The following PSD3 variants were observed in gnomAD, a reference collection of about 807,000 sequenced individuals.
PSD3 encodes the protein PH and SEC7 domain-containing protein 3.
PSD3 carries 49 observed loss-of-function variants against 105.5 expected under a neutral mutation model. The observed-to-expected ratio is 0.46, with a 90% CI of 0.37 to 0.59. The LOEUF (loss-of-function observed/expected upper bound fraction) is 0.59. Ranked by LOEUF, PSD3 falls within the 20% of genes least tolerant of loss-of-function variation. The pLI, the probability that PSD3 is intolerant of heterozygous loss-of-function variation, is 0.00. For synonymous variants in PSD3, 557 were observed against 457.8 expected (o/e 1.22, Z -2.77); for missense variants, 1,561 against 1,263.8 (o/e 1.24, Z -3.57).
At chr8:18,836,922 G>C (rs1228615709) in intron 4 of PSD3, among the ~76,000 whole-genome samples, 2 of 149,504 alleles carry the variant, frequency 1.3e-5, no homozygotes, top group African/African-American at 2.5e-5. Context: ...ACTGTACTTT[G>C]CTTCTAAAAA....
intron 9 of PSD3, among the ~76,000 whole-genome samples, chr8:18,737,093 A>C (rs987135797): frequency 1.3e-5 from 2 of 152,180 alleles, no homozygotes; most frequent in African/African-American, 4.8e-5. Context: ...GCATCTGAAA[A>C]AATACTGTTC....
chr8:18,805,076 G>C (rs1157303534), intron 4 of PSD3, among the ~76,000 whole-genome samples, 178 bp from the exon 5 acceptor site: 1 of 152,116 alleles, frequency 6.6e-6, no homozygotes, highest in Non-Finnish European at 1.5e-5. Context: ...CTAAAGAACA[G>C]ATTGCCTAAA....
intron 8 of PSD3, among the ~76,000 whole-genome samples, chr8:18,779,287 GTTTTACTGTCTCCTTTTTTGGT>G (rs1192884942): frequency 6.6e-6 from 1 of 151,790 alleles, no homozygotes; most frequent in African/African-American, 2.4e-5. Context: ...TGGGATATAA[GTTTTACTGTCTCCTTTTTTGGT>G]TGGGATTTTA....
intron 4 of PSD3, among the ~76,000 whole-genome samples, chr8:18,850,198 C>T (rs71510627): frequency 0.068 from 10,306 of 152,312 alleles, 440 homozygotes; most frequent in South Asian, 0.15. Flanking sequence ...GCAAACATCT[C>T]CCACATAGCC....
intron 1 of PSD3, among the ~76,000 whole-genome samples, chr8:19,051,354 A>G (rs1298077446): frequency 6.6e-6 from 1 of 152,120 alleles, no homozygotes; most frequent in Admixed American, 6.5e-5. Flanking sequence ...ATACTCTCAT[A>G]TGACTCAGTG....
chr8:19,030,483 G>C (rs546725888), intron 1 of PSD3, among the ~76,000 whole-genome samples: 1 of 152,194 alleles, frequency 6.6e-6, no homozygotes, highest in African/African-American at 2.4e-5. Flanking sequence ...TTGTCTTTCT[G>C]ATAGTGAGTT....
intron 1 of PSD3, among the ~76,000 whole-genome samples, chr8:18,962,615 T>A (rs1307805304): frequency 6.6e-6 from 1 of 152,246 alleles, no homozygotes; most frequent in African/African-American, 2.4e-5. Context: ...CAATTCACTA[T>A]CAAGCTCTAA....
chr8:18,830,364 T>A (rs565608871), intron 4 of PSD3, among the ~76,000 whole-genome samples: 1 of 152,216 alleles, frequency 6.6e-6, no homozygotes, highest in Non-Finnish European at 1.5e-5. Context: ...TCAAGTTATA[T>A]TTGGTGTTCC....
At chr8:18,884,539 G>A (rs7843239) in intron 2 of PSD3, among the ~76,000 whole-genome samples, 26,085 of 151,954 alleles carry the variant, frequency 0.17, 2,202 homozygotes, top group South Asian at 0.26. Context: ...AGAAAACTAC[G>A]GTATGTAATC....
intron 10 of PSD3, among the ~76,000 whole-genome samples, chr8:18,635,758 A>T (rs1016998443): frequency 6.6e-6 from 1 of 152,142 alleles, no homozygotes; most frequent in Non-Finnish European, 1.5e-5. Flanking sequence ...GCTGGAAACC[A>T]TCATTCTCAG....
At chr8:18,563,435 T>C (rs886250828) in intron 14 of PSD3, among the ~76,000 whole-genome samples, 3 of 152,176 alleles carry the variant, frequency 2.0e-5, no homozygotes, top group Non-Finnish European at 4.4e-5. Context: ...AGGGTAATCA[T>C]GTATCTAGGG....
Position 19,072,696 on chromosome 8 carries a change from G to T in PSD3, c.324+11510C>A, listed in dbSNP as rs549917017. ...GACCTGAAAGCATGCAGCCTAGGGT[G>T]AGAGGCTGTTGAGCCAAAATTCGGG... On this transcript the variant is annotated intron_variant, in intron 1 of 1. Transcript: ENST00000521475. Among the ~76,000 whole-genome samples, 3 of 152,342 alleles carry T rather than the reference G, an allele frequency of 2.0e-5. No homozygotes were observed. In the East Asian group the frequency reaches 5.8e-4, roughly 29 times the overall value.
At chr8:18,625,187 T>TACACACACACACACAC (rs3042894) in intron 11 of PSD3, among the ~76,000 whole-genome samples, 94 of 149,368 alleles carry the variant, frequency 6.3e-4, no homozygotes, top group African/African-American at 2.2e-3. Flanking sequence ...AGGTGGGGAA[T>TACACACACACACACAC]ACACACACAC....
At chr8:18,728,376 C>T (rs138280596) in intron 9 of PSD3, among the ~76,000 whole-genome samples, 12 of 152,316 alleles carry the variant, frequency 7.9e-5, no homozygotes, top group African/African-American at 2.4e-4. Context: ...CCAGCTACCA[C>T]AGGTGCACAT....
At chr8:18,688,864 G>T (rs1054336765) in intron 9 of PSD3, among the ~76,000 whole-genome samples, 1 of 152,324 alleles carries the variant, frequency 6.6e-6, no homozygotes, top group South Asian at 2.1e-4. Context: ...ATAAAAGCAG[G>T]CTTCCTGGAG....
At chr8:18,774,380 T>C (rs552425533) in intron 8 of PSD3, among the ~76,000 whole-genome samples, 1 of 152,326 alleles carries the variant, frequency 6.6e-6, no homozygotes, top group African/African-American at 2.4e-5. Flanking sequence ...GTTGGGAACA[T>C]TTCAATTGCT....
chr8:18,611,251 G>GAAAA lies in PSD3; in HGVS notation c.2411-10821_2411-10818dup, dbSNP rs138669050. Among the ~76,000 whole-genome samples, 3 of 128,942 alleles carry GAAAA rather than the reference G, an allele frequency of 2.3e-5. No individual in the cohort carries two copies. In the East Asian group the frequency reaches 6.7e-4, roughly 29 times the overall value. The allele number at this position is 128,942 out of a possible 152,430, so 84.6% of individuals were successfully genotyped here. ...GGGTGTAATTTAATGTAGGATTTTG[G>GAAAA]AAAAAAAAAAAAAAAAAGGTTTTTC... On this transcript the variant is annotated intron_variant, in intron 11 of 15. Coordinates refer to ENST00000327040, the MANE Select transcript of PSD3 (RefSeq NM_015310.4).
rs1377167347 is a variant in PSD3, at chr8:18,868,041, C to T, written c.1267G>A (p.Gly423Arg). 2.5e-6 allele frequency: 4 copies of T among 1,610,584 alleles called. No individual in the cohort carries two copies. Among genetic ancestry groups the T allele is most frequent in the Admixed American group, 1.7e-5 (1 of 59,608 alleles). ...GGCCCAAGGATGTCTTCATCTTCCCCCTTAACGTGCTCCTCTTGTTCGCTG... is the reference window on the plus strand; with the variant it reads ...GGCCCAAGGATGTCTTCATCTTCCCTCTTAACGTGCTCCTCTTGTTCGCTG... ...RISEQEEHVK[G>R]EDEDILGPGY... is the part of the protein sequence containing the mutation. Residue 423 changes from glycine (G) to arginine (R), a missense_variant, in exon 4 of 16, where the codon GGG becomes AGG. By Grantham distance (125) the Gly-to-Arg change is moderately radical. Coordinates refer to ENST00000327040, the MANE Select transcript of PSD3 (RefSeq NM_015310.4).
At chr8:18,957,296 G>C (rs1823633958) in intron 1 of PSD3, among the ~76,000 whole-genome samples, 1 of 151,818 alleles carries the variant, frequency 6.6e-6, no homozygotes, top group Middle Eastern at 3.4e-3. Flanking sequence ...ACTTGAACCA[G>C]GGAGGCGGAG....
Sources: gnomAD v4.1 joint callset for allele counts (sites outside exome capture counted in the v4.1 genomes callset) on GRCh38, gnomAD v4.1.1 for gene constraint, MANE v1.5 for transcripts, NCBI Gene and HGNC (gene_info 2026-07-23, HGNC 2026-07-21) for gene names.